The following AGTRAP variants were observed in gnomAD, a reference collection of about 807,000 sequenced individuals.
AGTRAP encodes the protein type-1 angiotensin II receptor-associated protein.
AGTRAP carries 7 observed loss-of-function variants against 15.2 expected under a neutral mutation model. The ratio of observed to expected loss-of-function variants is 0.46; its 90% CI spans 0.26 to 0.87. AGTRAP has a LOEUF of 0.87. Ranked by LOEUF, AGTRAP falls within the 40% of genes least tolerant of loss-of-function variation. The pLI is 0.15. For synonymous variants in AGTRAP, 74 were observed against 89.6 expected, an observed-to-expected ratio of 0.83 and a Z score of 0.98; for missense variants, 187 against 213.4, an observed-to-expected ratio of 0.88 and a Z score of 0.77.
chr1:11,749,949 T>A (rs1443997727), intron 4 of AGTRAP, 128 bp from the exon 5 acceptor site: 3 of 670,610 alleles, frequency 4.5e-6, no homozygotes, highest in Non-Finnish European at 7.9e-6. Context: ...CTGCTGCCTC[T>A]GTCTCTGTGC....
rs549786961 is a variant in AGTRAP at position 11,749,341 on chromosome 1, C to T, written c.364+731C>T. 1.2e-4 allele frequency among the ~76,000 whole-genome samples: 18 copies of T among 152,358 alleles called. No homozygotes were observed. The South Asian group carries it at 3.5e-3, about 30-fold the overall frequency. ...TCCTGAGATGAGATGCCCCACGTGG[C>T]CTGTGACTGCCACCAGCTGGTTGAG... On this transcript the variant is annotated intron_variant, in intron 4 of 4. Coordinates refer to ENST00000314340, the MANE Select transcript of AGTRAP (RefSeq NM_020350.5).
intron 1 of AGTRAP, among the ~76,000 whole-genome samples, chr1:11,741,189 A>G (rs1055050859): frequency 6.6e-6 from 1 of 151,330 alleles, no homozygotes; most frequent in African/African-American, 2.4e-5. Context: ...CTCCTGCTCA[A>G]AATGCTCTTC....
At chr1:11,740,700 G>A (rs879592107) in intron 1 of AGTRAP, among the ~76,000 whole-genome samples, 7 of 152,194 alleles carry the variant, frequency 4.6e-5, no homozygotes, top group African/African-American at 7.2e-5. Flanking sequence ...CATTCTTTCC[G>A]GAATAATCCA....
chr1:11,748,546 G>T lies in AGTRAP; in HGVS notation c.300G>T (p.Pro100=), dbSNP rs760044981. Residue 100 remains proline, a synonymous_variant, in exon 4 of 5, where the codon CCG becomes CCT. Coordinates refer to ENST00000314340, the MANE Select transcript of AGTRAP (RefSeq NM_020350.5). Reference sequence around the variant, plus strand: ...CCATCCTCAGCTTGCTGCTCAAGCCGCTCTCCTGCTGCTTCGTCTACCACA... The same window carrying T: ...CCATCCTCAGCTTGCTGCTCAAGCCTCTCTCCTGCTGCTTCGTCTACCACA... ...GMAILSLLLK[P]LSCCFVYHMY... The T allele has an allele frequency of 2.5e-6, 4 of 1,612,286 alleles. No homozygotes were observed. Among genetic ancestry groups the T allele is most frequent in the Non-Finnish European group, 3.4e-6 (4 of 1,180,012 alleles).
chr1:11,736,138 G>GT lies in AGTRAP; in HGVS notation c.-68dup. 1 of 1,557,824 alleles carries GT rather than the reference G, an allele frequency of 6.4e-7. No individual in the cohort carries two copies. The highest frequency in any genetic ancestry group is 8.7e-7 in the Non-Finnish European group (1 of 1,150,002). On this transcript the variant is annotated 5_prime_UTR_variant, in exon 1 of 5. Transcript: ENST00000314340. ...GGCGGGGCGGGGCGGGGCCGGGCAAGTTTGTTCCCCGAGTTCGGAGCCTAG... is the reference window on the plus strand; with the variant it reads ...GGCGGGGCGGGGCGGGGCCGGGCAAGTTTTGTTCCCCGAGTTCGGAGCCTAG...
Position 11,736,143 on chromosome 1 carries a change from T to G in AGTRAP, c.-66T>G, listed in dbSNP as rs1408712807. 3 of 1,562,338 alleles carry G rather than the reference T, an allele frequency of 1.9e-6. No homozygotes were observed. In the Admixed American group the frequency reaches 5.8e-5, roughly 30 times the overall value. ...GGCGGGGCGGGGCCGGGCAAGTTTG[T>G]TCCCCGAGTTCGGAGCCTAGGAGCC... On this transcript the variant is annotated 5_prime_UTR_variant, in exon 1 of 5. Coordinates refer to ENST00000314340, the MANE Select transcript of AGTRAP (RefSeq NM_020350.5).
chr1:11,738,850 G>A (rs1641959700), intron 1 of AGTRAP, among the ~76,000 whole-genome samples: 1 of 152,196 alleles, frequency 6.6e-6, no homozygotes, highest in Admixed American at 6.5e-5. Flanking sequence ...ACTAGCACGT[G>A]TAACAGGCCA....
At chr1:11,749,574 C>T (rs1472181468) in intron 4 of AGTRAP, among the ~76,000 whole-genome samples, 1 of 152,246 alleles carries the variant, frequency 6.6e-6, no homozygotes, top group African/African-American at 2.4e-5. Flanking sequence ...CCCTACGGCC[C>T]TGCCTTGGAC....
At chr1:11,747,298 C>T in intron 2 of AGTRAP, 142 bp from the exon 3 acceptor site, 1 of 744,578 alleles carries the variant, frequency 1.3e-6, no homozygotes. Context: ...GAGGCGGAGC[C>T]CATGGGATTT....
chr1:11,738,135 T>C (rs746121428), intron 1 of AGTRAP, among the ~76,000 whole-genome samples: 46 of 152,198 alleles, frequency 3.0e-4, no homozygotes, highest in Non-Finnish European at 6.2e-4. Flanking sequence ...TCCTTGCTTA[T>C]AGGCACTTAG....
intron 1 of AGTRAP, among the ~76,000 whole-genome samples, 187 bp downstream of exon 1, chr1:11,736,422 A>G (rs1641897937): frequency 6.6e-6 from 1 of 152,220 alleles, no homozygotes; most frequent in Admixed American, 6.5e-5. Flanking sequence ...ATCCAGGCAC[A>G]GGCCAGCAGG....
intron 3 of AGTRAP, among the ~76,000 whole-genome samples, chr1:11,748,003 C>T (rs953788309): frequency 5.3e-5 from 8 of 152,136 alleles, no homozygotes; most frequent in African/African-American, 1.9e-4. Context: ...CACGGAGCCC[C>T]GTGGGGCAGT....
chr1:11,736,931 G>C (rs1241542429), intron 1 of AGTRAP, among the ~76,000 whole-genome samples: 1 of 152,202 alleles, frequency 6.6e-6, no homozygotes, highest in Non-Finnish European at 1.5e-5. Flanking sequence ...CCGCCCACGT[G>C]TCTGGGCTCC....
chr1:11,748,935 C>G (rs577687749), intron 4 of AGTRAP, among the ~76,000 whole-genome samples: 3 of 152,298 alleles, frequency 2.0e-5, no homozygotes, highest in African/African-American at 7.2e-5. Context: ...CTGTCTCCAT[C>G]CTGAGGGCCA....
In AGTRAP at chr1:11,747,460, G is replaced by T; in HGVS notation, c.83G>T (p.Gly28Val). The change falls in exon 3 of 5, where the codon GGC (glycine) becomes GTC (valine). Residue 28 changes from glycine (G) to valine (V), a missense_variant. By Grantham distance (109) the Gly-to-Val change is moderately radical. Transcript: ENST00000314340. ...TACAGGGGCTGCATTGTATTCTCAG[G>T]CTCCTATGCCTGGGCCAACTTCACC... ...LTTWGCIVFS[G>V]SYAWANFTIL... 1 of 1,614,156 alleles carries T rather than the reference G, an allele frequency of 6.2e-7. No homozygotes were observed. Among genetic ancestry groups the T allele is most frequent in the Non-Finnish European group, 8.5e-7 (1 of 1,179,980 alleles).
intron 2 of AGTRAP, chr1:11,746,079 G>A (rs1642156201): frequency 1.3e-6 from 2 of 1,579,262 alleles, no homozygotes; most frequent in African/African-American, 2.7e-5. Context: ...TGAGGCCTCA[G>A]CACTGCAGCT....
chr1:11,748,689 C>A, intron 4 of AGTRAP, 79 bp downstream of exon 4: 1 of 1,495,668 alleles, frequency 6.7e-7, no homozygotes, highest in South Asian at 1.2e-5. Flanking sequence ...CCTCAGTGAG[C>A]CAGCCTTGCC....
At position 11,745,309 on chromosome 1, in the gene AGTRAP, C is replaced by T. The variant is rs1642134880; in HGVS notation, c.28-494C>T. Among the ~76,000 whole-genome samples the T allele has an allele frequency of 6.6e-6, 1 of 152,186 alleles. No homozygotes were observed. Among genetic ancestry groups the T allele is most frequent in the Admixed American group, 6.5e-5 (1 of 15,278 alleles). On this transcript the variant is annotated intron_variant, in intron 1 of 4. Coordinates refer to ENST00000314340, the MANE Select transcript of AGTRAP (RefSeq NM_020350.5). This position sits in a 1 kb window ranked among gnomAD's most constrained non-coding sequence, Gnocchi z 4.2. ...GCTGGTGGGAGTGTAGCAGTGAGGA[C>T]AACCAGAGGTTACTCTCGTGGCCAT...
Position 11,745,907 on chromosome 1 carries a change from T to C in AGTRAP, c.62+70T>C. ...GGTCTGTGTCAGCCGGGTCAGGTCCTGGTTCTGCCGTGTTTTAACCAGGTC... is the reference window on the plus strand; with the variant it reads ...GGTCTGTGTCAGCCGGGTCAGGTCCCGGTTCTGCCGTGTTTTAACCAGGTC... On this transcript the variant is annotated intron_variant, in intron 2 of 4. Transcript: ENST00000314340. This position sits in a 1 kb window ranked among gnomAD's most constrained non-coding sequence, Gnocchi z 4.2. 1.3e-6 allele frequency: 2 copies of C among 1,594,194 alleles called. No homozygotes were observed. Among genetic ancestry groups the C allele is most frequent in the Non-Finnish European group, 1.7e-6 (2 of 1,162,080 alleles).
Sources: gnomAD v4.1 joint callset for allele counts (sites outside exome capture counted in the v4.1 genomes callset) on GRCh38, gnomAD v4.1.1 for gene constraint, Gnocchi (gnomAD v3.1) non-coding constraint, MANE v1.5 for transcripts, NCBI Gene and HGNC (gene_info 2026-07-23, HGNC 2026-07-21) for gene names.